ZBTB20: variants seen among roughly 807,000 people sequenced by gnomAD.
The protein encoded by ZBTB20 is zinc finger and BTB domain containing 20.
A neutral mutation model predicts 56.9 loss-of-function variants in ZBTB20; 9 were observed. The observed-to-expected ratio is 0.16, with a 90% confidence interval of 0.10 to 0.28. The LOEUF (loss-of-function observed/expected upper bound fraction) is 0.28, where lower values mean the gene tolerates loss of function less well. Among genes scored for constraint, ZBTB20 ranks in the 10% least tolerant of loss-of-function variants. The pLI, the probability that ZBTB20 is intolerant of heterozygous loss-of-function variation, is 1.00. For missense variants in ZBTB20, 655 were observed against 1,003.0 expected (o/e 0.65, Z 4.69); for synonymous variants, 417 against 420.7 (o/e 0.99, Z 0.11).
chr3:114,385,936 G>C (rs535606289), intron 8 of ZBTB20, among the ~76,000 whole-genome samples: 1 of 152,332 alleles, frequency 6.6e-6, no homozygotes, highest in African/African-American at 2.4e-5. Context: ...CAAATGGATT[G>C]TTATTGTAGC....
chr3:114,667,268 G>C (rs188419807), intron 6 of ZBTB20, among the ~76,000 whole-genome samples: 93 of 152,058 alleles, frequency 6.1e-4, no homozygotes, highest in Non-Finnish European at 2.1e-4. Flanking sequence ...GAGCACATCT[G>C]TAAACAAAAT....
chr3:114,502,088 AAGATACTG>A (rs1251088441), intron 6 of ZBTB20, among the ~76,000 whole-genome samples: 1 of 152,132 alleles, frequency 6.6e-6, no homozygotes, highest in East Asian at 1.9e-4. Context: ...AAACCAAAAA[AAGATACTG>A]AGAAAACAAA....
intron 6 of ZBTB20, among the ~76,000 whole-genome samples, chr3:114,671,919 C>T (rs1206862979): frequency 6.6e-6 from 1 of 152,098 alleles, no homozygotes; most frequent in Admixed American, 6.6e-5. Context: ...ACCAGTAACA[C>T]CACGTGTCTG....
intron 2 of ZBTB20, among the ~76,000 whole-genome samples, chr3:115,015,266 C>T (rs903960301): frequency 2.6e-5 from 4 of 151,684 alleles, no homozygotes; most frequent in Admixed American, 2.6e-4. Context: ...TGTTTCATTC[C>T]TATAAGATAC....
At chr3:114,957,275 T>G (rs994820844) in intron 3 of ZBTB20, among the ~76,000 whole-genome samples, 1 of 152,106 alleles carries the variant, frequency 6.6e-6, no homozygotes, top group Non-Finnish European at 1.5e-5. Context: ...CTCTTGAAAT[T>G]AAGATAGTGG....
At chr3:114,380,124 AG>A in intron 10 of ZBTB20, 92 bp downstream of exon 10, 1 of 1,317,616 alleles carries the variant, frequency 7.6e-7, no homozygotes, top group South Asian at 1.8e-5. Flanking sequence ...CCAAATGCAA[AG>A]AGCTCGCTCT....
intron 5 of ZBTB20, among the ~76,000 whole-genome samples, chr3:114,698,790 A>G (rs901237552): frequency 6.6e-6 from 1 of 152,084 alleles, no homozygotes; most frequent in Non-Finnish European, 1.5e-5. Flanking sequence ...AAAATATTAA[A>G]CAGATGCGTA....
chr3:114,682,847 G>A lies in ZBTB20; in HGVS notation c.-295+10681C>T, dbSNP rs545414312. Among the ~76,000 whole-genome samples the A allele has an allele frequency of 2.1e-3, 323 of 152,286 alleles. 1 individual carries two copies. Among genetic ancestry groups the A allele is most frequent in the African/African-American group, 7.6e-3 (317 of 41,564 alleles). ...AACTCTCAGTAGAGTATGTGTTAAT[G>A]TGGGAGATGGGATATATATCTCTGT... On this transcript the variant is annotated intron_variant, in intron 6 of 11. Transcript: ENST00000675478.
intron 2 of ZBTB20, among the ~76,000 whole-genome samples, chr3:114,982,372 A>G (rs1027653458): frequency 6.6e-5 from 10 of 152,084 alleles, no homozygotes; most frequent in Non-Finnish European, 1.5e-4. Flanking sequence ...CAAGGGGCCA[A>G]ATTTGCAGTA....
intron 6 of ZBTB20, among the ~76,000 whole-genome samples, chr3:114,535,555 C>T (rs2048361941): frequency 6.6e-6 from 1 of 152,148 alleles, no homozygotes; most frequent in Non-Finnish European, 1.5e-5. Context: ...TGAATTCTAT[C>T]AGAGATACAA....
intron 10 of ZBTB20, among the ~76,000 whole-genome samples, chr3:114,372,851 AAGAAAAAT>A (rs201618911): frequency 0.015 from 2,295 of 152,228 alleles, 26 homozygotes; most frequent in South Asian, 0.066. Context: ...TTAAACAAAA[AAGAAAAAT>A]AAAAAGAAAA....
chr3:114,465,473 G>A (rs1381628576), intron 7 of ZBTB20, among the ~76,000 whole-genome samples: 3 of 152,120 alleles, frequency 2.0e-5, no homozygotes, highest in East Asian at 1.9e-4. Flanking sequence ...TTGGGAGGCC[G>A]AGGCGGGTGG....
At chr3:114,673,555 T>C (rs1435586006) in intron 6 of ZBTB20, among the ~76,000 whole-genome samples, 2 of 152,026 alleles carry the variant, frequency 1.3e-5, no homozygotes, top group Non-Finnish European at 2.9e-5. Flanking sequence ...CAAACTGTTA[T>C]CACGAAAAAG....
chr3:114,857,639 C>T (rs1315080782), intron 4 of ZBTB20, among the ~76,000 whole-genome samples: 1 of 152,178 alleles, frequency 6.6e-6, no homozygotes, highest in Non-Finnish European at 1.5e-5. Context: ...ATTTACATCT[C>T]AAACCAGTTC....
At chr3:114,934,147 G>T (rs1335942050) in intron 3 of ZBTB20, among the ~76,000 whole-genome samples, 3 of 152,096 alleles carry the variant, frequency 2.0e-5, no homozygotes, top group Non-Finnish European at 4.4e-5. Context: ...TCGAGTTATA[G>T]ATCTGTTGAA....
At chr3:114,455,653 C>G (rs1029968064) in intron 7 of ZBTB20, among the ~76,000 whole-genome samples, 2 of 152,048 alleles carry the variant, frequency 1.3e-5, no homozygotes, top group Non-Finnish European at 2.9e-5. Flanking sequence ...GGCAAGAGAT[C>G]AGCACAGACA....
At chr3:114,689,301 G>A (rs1237533872) in intron 6 of ZBTB20, among the ~76,000 whole-genome samples, 1 of 152,102 alleles carries the variant, frequency 6.6e-6, no homozygotes, top group Admixed American at 6.6e-5. Flanking sequence ...CTGATGATCT[G>A]AACAAACCAC....
At chr3:115,030,541 C>T (rs1353478739) in intron 2 of ZBTB20, among the ~76,000 whole-genome samples, 2 of 151,000 alleles carry the variant, frequency 1.3e-5, no homozygotes, top group Non-Finnish European at 3.0e-5. Flanking sequence ...TGAATTATTG[C>T]TAAAATGTCT....
intron 4 of ZBTB20, among the ~76,000 whole-genome samples, chr3:114,895,676 A>T (rs563508167): frequency 6.6e-6 from 1 of 152,128 alleles, no homozygotes; most frequent in East Asian, 1.9e-4. Context: ...GATTATAAAA[A>T]TTTTTATATT....
Sources: allele counts gnomAD v4.1 joint callset (sites outside exome capture counted in the v4.1 genomes callset), GRCh38; gene constraint gnomAD v4.1.1; transcripts MANE v1.5; gene names NCBI Gene and HGNC (gene_info 2026-07-23, HGNC 2026-07-21).